Variants in NYAP2 observed in about 807,000 individuals in gnomAD.
NYAP2 encodes neuronal tyrosine-phosphorylated phosphoinositide-3-kinase adapter 2.
In NYAP2, 23 loss-of-function variants were observed where a neutral mutation model predicts 50.4. That is an observed-to-expected ratio of 0.46 (90% CI 0.33 to 0.65). The LOEUF (loss-of-function observed/expected upper bound fraction) is 0.65. Ranked by LOEUF, NYAP2 falls within the 30% of genes least tolerant of loss-of-function variation. NYAP2 has a pLI of 0.02. For synonymous variants in NYAP2, 394 were observed against 365.2 expected (o/e 1.08, Z -0.90); for missense variants, 885 against 861.0 (o/e 1.03, Z -0.35).
At chr2:225,529,691 C>G (rs1369342517) in intron 4 of NYAP2, among the ~76,000 whole-genome samples, 4 of 150,710 alleles carry the variant, frequency 2.7e-5, no homozygotes, top group African/African-American at 9.8e-5. Context: ...CTTTCCAACT[C>G]AGTGTTTTTA....
chr2:225,452,018 G>C (rs1250005271), intron 3 of NYAP2, among the ~76,000 whole-genome samples: 2 of 151,988 alleles, frequency 1.3e-5, no homozygotes, highest in Non-Finnish European at 2.9e-5. Flanking sequence ...TCAATGCCTT[G>C]AAAAAGTCAA....
chr2:225,589,516 A>AAAATATATACATATATATATATAT (rs112700820), intron 5 of NYAP2, among the ~76,000 whole-genome samples: 1 of 71,356 alleles, frequency 1.4e-5, no homozygotes, highest in South Asian at 5.3e-4. Flanking sequence ...CTAAAAGTAA[A>AAAATATATACATATATATATATAT]ATATATATAT....
chr2:225,633,641 A>G (rs1252749847), intron 6 of NYAP2, among the ~76,000 whole-genome samples: 2 of 152,168 alleles, frequency 1.3e-5, no homozygotes, highest in Non-Finnish European at 2.9e-5. Flanking sequence ...AGGAAAATCT[A>G]TTGCAAGCTG....
intron 3 of NYAP2, among the ~76,000 whole-genome samples, chr2:225,435,605 T>G (rs1689363460): frequency 6.6e-6 from 1 of 152,246 alleles, no homozygotes; most frequent in Admixed American, 6.5e-5. Flanking sequence ...TTCCTAATTA[T>G]TAAAATGCTT....
the NYAP2 span, among the ~76,000 whole-genome samples, chr2:225,673,897 A>T: frequency 6.6e-6 from 1 of 152,164 alleles, no homozygotes; most frequent in Non-Finnish European, 1.5e-5. Flanking sequence ...CACTACCAAC[A>T]GTCCTCTGTT....
chr2:225,596,775 T>C (rs1692606750), intron 5 of NYAP2, among the ~76,000 whole-genome samples: 1 of 152,170 alleles, frequency 6.6e-6, no homozygotes, highest in South Asian at 2.1e-4. Context: ...AGATTATTCT[T>C]ATACATAATA....
the NYAP2 span, among the ~76,000 whole-genome samples, chr2:225,693,818 A>G: frequency 6.6e-6 from 1 of 152,034 alleles, no homozygotes; most frequent in Non-Finnish European, 1.5e-5. Context: ...AAACGTTCAG[A>G]CCATAACACC....
intron 2 of NYAP2, among the ~76,000 whole-genome samples, chr2:225,406,401 A>T (rs555259730): frequency 4.4e-4 from 67 of 152,146 alleles, no homozygotes; most frequent in South Asian, 1.0e-3. Context: ...AACAGTGAAA[A>T]TAAAACATGT....
At chr2:225,515,888 T>C (rs1690922841) in intron 4 of NYAP2, among the ~76,000 whole-genome samples, 1 of 151,754 alleles carries the variant, frequency 6.6e-6, no homozygotes, top group Admixed American at 6.6e-5. Context: ...AATTCAAGAA[T>C]AAAGGGGAAT....
the NYAP2 span, among the ~76,000 whole-genome samples, chr2:225,672,832 G>T: frequency 6.6e-6 from 1 of 151,944 alleles, no homozygotes; most frequent in Non-Finnish European, 1.5e-5. Flanking sequence ...TATTTGGTTG[G>T]TGGAGCAGTG....
chr2:225,633,262 A>G (rs1380083254), intron 6 of NYAP2, among the ~76,000 whole-genome samples: 2 of 152,220 alleles, frequency 1.3e-5, no homozygotes, highest in Non-Finnish European at 2.9e-5. Context: ...ATATAGGCAA[A>G]CAGGGTTTAT....
intron 4 of NYAP2, among the ~76,000 whole-genome samples, chr2:225,552,629 C>T (rs563554116): frequency 3.3e-4 from 50 of 152,172 alleles, no homozygotes; most frequent in Non-Finnish European, 5.0e-4. Flanking sequence ...CCAGAACTGA[C>T]CATGCTGGAA....
intron 2 of NYAP2, among the ~76,000 whole-genome samples, chr2:225,404,486 G>C (rs1694908440): frequency 6.6e-6 from 1 of 151,904 alleles, no homozygotes; most frequent in Admixed American, 6.6e-5. Flanking sequence ...CATTGGAAAA[G>C]TATAATGATG....
intron 4 of NYAP2, among the ~76,000 whole-genome samples, chr2:225,576,358 T>G (rs2106225270): frequency 6.6e-6 from 1 of 152,340 alleles, no homozygotes; most frequent in South Asian, 2.1e-4. Context: ...CACTTTCTTA[T>G]TCCTACTATA....
chr2:225,552,499 G>T (rs1265785150), intron 4 of NYAP2, among the ~76,000 whole-genome samples: 1 of 152,154 alleles, frequency 6.6e-6, no homozygotes, highest in African/African-American at 2.4e-5. Context: ...CAGGCCATGA[G>T]GATAGAGCTC....
At chr2:225,641,501 A>C (rs145123247) in intron 6 of NYAP2, among the ~76,000 whole-genome samples, 113 of 147,836 alleles carry the variant, frequency 7.6e-4, no homozygotes, top group African/African-American at 2.8e-3. Context: ...TTTTAAGGTT[A>C]TAAAGTACTT....
chr2:225,544,590 CT>C (rs1691537978), intron 4 of NYAP2, among the ~76,000 whole-genome samples: 1 of 152,060 alleles, frequency 6.6e-6, no homozygotes. Flanking sequence ...ACTTCGTCTC[CT>C]ATTTTTTAAC....
At chr2:225,514,212 G>A (rs188027154) in intron 4 of NYAP2, among the ~76,000 whole-genome samples, 80 of 152,222 alleles carry the variant, frequency 5.3e-4, no homozygotes, top group African/African-American at 1.9e-3. Context: ...AAACATACAA[G>A]TCAAATATAT....
chr2:225,486,052 A>G (rs1328859062), intron 3 of NYAP2, among the ~76,000 whole-genome samples: 3 of 152,146 alleles, frequency 2.0e-5, no homozygotes, highest in African/African-American at 7.2e-5. Context: ...TTGGTTGAGA[A>G]CTAGCACCCT....
Sources: gnomAD v4.1 joint callset for allele counts (sites outside exome capture counted in the v4.1 genomes callset) on GRCh38, gnomAD v4.1.1 for gene constraint, MANE v1.5 for transcripts, NCBI Gene and HGNC (gene_info 2026-07-23, HGNC 2026-07-21) for gene names.